SEMA3A: variants seen among roughly 807,000 people sequenced by gnomAD.
The protein encoded by SEMA3A is semaphorin-3A.
In SEMA3A, 29 loss-of-function variants were observed where a neutral mutation model predicts 97.9. The observed-to-expected ratio is 0.30, with a 90% confidence interval of 0.22 to 0.40. SEMA3A has a LOEUF of 0.40. Ranked by LOEUF, SEMA3A falls within the 10% of genes least tolerant of loss-of-function variation. SEMA3A has a pLI of 1.00. For missense variants in SEMA3A, 763 were observed against 951.3 expected (o/e 0.80, Z 2.60); for synonymous variants, 321 against 323.7 (o/e 0.99, Z 0.09).
chr7:84,069,956 G>A (rs2115748026), intron 4 of SEMA3A, among the ~76,000 whole-genome samples: 1 of 152,178 alleles, frequency 6.6e-6, no homozygotes, highest in East Asian at 1.9e-4. Flanking sequence ...ATATCACATA[G>A]ACCACTATCT....
At chr7:84,036,438 G>A (rs1791942506) in intron 6 of SEMA3A, among the ~76,000 whole-genome samples, 1 of 152,116 alleles carries the variant, frequency 6.6e-6, no homozygotes, top group Admixed American at 6.5e-5. Context: ...GCTACCAAAT[G>A]TAGTTCATAC....
intron 1 of SEMA3A, among the ~76,000 whole-genome samples, chr7:84,176,532 A>G (rs961871172): frequency 2.6e-5 from 4 of 152,196 alleles, no homozygotes; most frequent in Non-Finnish European, 5.9e-5. Context: ...ATTAATGCCT[A>G]TGAGTCTATA....
chr7:84,357,593 C>T (rs1802597709), intron 2 of SEMA3A, among the ~76,000 whole-genome samples: 1 of 152,128 alleles, frequency 6.6e-6, no homozygotes, highest in Admixed American at 6.6e-5. Context: ...CCGCAATAAA[C>T]ATATGTGTGC....
chr7:84,395,537 A>G (rs1803706704), intron 1 of SEMA3A, among the ~76,000 whole-genome samples: 1 of 152,078 alleles, frequency 6.6e-6, no homozygotes, highest in Non-Finnish European at 1.5e-5. Flanking sequence ...TCTCACCTTG[A>G]ATTGAAATAA....
intron 3 of SEMA3A, among the ~76,000 whole-genome samples, chr7:84,288,761 T>G (rs1369925321): frequency 3.9e-5 from 6 of 152,090 alleles, no homozygotes; most frequent in Non-Finnish European, 8.8e-5. Flanking sequence ...TGAACTTGGC[T>G]TATATATTGT....
chr7:84,039,121 G>A lies in SEMA3A; in HGVS notation c.667+7203C>T, dbSNP rs377758770. ...TGCATAGAGGTGTATATAGGTAACA[G>A]CAGCAGCAATCACAGTTAACATGAG... On this transcript the variant is annotated intron_variant, in intron 6 of 16. Coordinates refer to ENST00000265362, the MANE Select transcript of SEMA3A (RefSeq NM_006080.3). Among the ~76,000 whole-genome samples, 145 of 152,220 alleles carry A rather than the reference G, an allele frequency of 9.5e-4. 1 individual carries two copies. The highest frequency in any genetic ancestry group is 3.3e-3 in the African/African-American group (138 of 41,552).
intron 14 of SEMA3A, among the ~76,000 whole-genome samples, chr7:83,978,548 C>T (rs1789265142): frequency 6.6e-6 from 1 of 152,104 alleles, no homozygotes; most frequent in African/African-American, 2.4e-5. Context: ...TATTGTCTTG[C>T]TGCAAAATTA....
chr7:83,966,230 ACTT>A (rs993542374), intron 15 of SEMA3A, among the ~76,000 whole-genome samples: 56 of 152,250 alleles, frequency 3.7e-4, no homozygotes, highest in African/African-American at 1.3e-3. Context: ...TTGATCTGCT[ACTT>A]CTTCATAGTG....
chr7:84,187,290 A>C (rs1466387171), intron 1 of SEMA3A, among the ~76,000 whole-genome samples: 1 of 152,176 alleles, frequency 6.6e-6, no homozygotes, highest in Non-Finnish European at 1.5e-5. Context: ...TGAGAATGGG[A>C]TACTTTCACT....
In SEMA3A at chr7:84,005,346, G is replaced by T; in HGVS notation, c.1353C>A (p.Ile451=). 1 of 1,610,830 alleles carries T rather than the reference G, an allele frequency of 6.2e-7. No homozygotes were observed. Among genetic ancestry groups the T allele is most frequent in the South Asian group, 1.1e-5 (1 of 90,930 alleles). ...AEDGQYDVMF[I]GTDVGTVLKV... The stretch of plus-strand genomic sequence containing the variant: ...TGAAATTTAAAAATTTACCTGTTCC[G>T]ATAAACATAACATCATACTGTCCAT... The change falls in exon 11 of 17, where the codon ATC becomes ATA. Residue 451 remains isoleucine, a synonymous_variant. Coordinates refer to ENST00000265362, the MANE Select transcript of SEMA3A (RefSeq NM_006080.3).
At chr7:84,204,679 G>GT (rs1355861054) in intron 3 of SEMA3A, among the ~76,000 whole-genome samples, 2 of 152,148 alleles carry the variant, frequency 1.3e-5, no homozygotes, top group African/African-American at 4.8e-5. Flanking sequence ...AGTATTACAT[G>GT]ATACATTTTA....
At chr7:84,339,792 C>T (rs1472831907) in intron 2 of SEMA3A, among the ~76,000 whole-genome samples, 4 of 152,150 alleles carry the variant, frequency 2.6e-5, no homozygotes, top group African/African-American at 9.6e-5. Context: ...GTTTCATTTT[C>T]TCAATTCCAA....
chr7:83,967,278 C>T lies in SEMA3A; in HGVS notation c.1718-3931G>A, dbSNP rs145697052. Among the ~76,000 whole-genome samples, 21 of 152,202 alleles carry T rather than the reference C, an allele frequency of 1.4e-4. No homozygotes were observed. The East Asian group carries it at 3.1e-3, about 22-fold the overall frequency. ...CCTTTCCATTTCCTGAGTGCTCTAC[C>T]GCAACCACTGGCATAAATTTTGTAC... On this transcript the variant is annotated intron_variant, in intron 15 of 16. Transcript: ENST00000265362.
At chr7:84,205,282 C>T (rs1798462366) in intron 3 of SEMA3A, among the ~76,000 whole-genome samples, 1 of 152,246 alleles carries the variant, frequency 6.6e-6, no homozygotes, top group Admixed American at 6.5e-5. Context: ...AGTTTTGTTT[C>T]ATGCTGTTTT....
chr7:84,046,183 A>G, intron 6 of SEMA3A, 141 bp downstream of exon 6: 1 of 867,014 alleles, frequency 1.2e-6, no homozygotes, highest in Non-Finnish European at 1.7e-6. Flanking sequence ...ACTTTCTCAC[A>G]CCCACCATCA....
In SEMA3A at chr7:84,418,537, C is replaced by A. The variant is rs527954961; in HGVS notation, c.-245-46637G>T. Among the ~76,000 whole-genome samples, 127 of 152,052 alleles carry A rather than the reference C, an allele frequency of 8.4e-4. 1 individual carries two copies. Among genetic ancestry groups the A allele is most frequent in the Middle Eastern group, 3.4e-3 (1 of 294 alleles). On this transcript the variant is annotated intron_variant, in intron 1 of 3. Coordinates refer to the SEMA3A transcript ENST00000424555. ...ACCCACCCTCAATGTGGGTGGGCAC[C>A]CTCCAATTTGCTGCCAGTTTGACTA...
chr7:84,433,305 T>A (rs1562946573), intron 1 of SEMA3A, among the ~76,000 whole-genome samples: 1 of 146,048 alleles, frequency 6.8e-6, no homozygotes, highest in South Asian at 2.3e-4. Context: ...CAACTCTCAC[T>A]TATGAGTGAG....
At chr7:84,214,188 A>T (rs557480847) in intron 3 of SEMA3A, among the ~76,000 whole-genome samples, 7 of 151,830 alleles carry the variant, frequency 4.6e-5, no homozygotes, top group African/African-American at 1.4e-4. Flanking sequence ...GCAATATATT[A>T]AAAAAAATTA....
intron 1 of SEMA3A, among the ~76,000 whole-genome samples, chr7:84,187,462 T>G (rs1477320623): frequency 1.3e-5 from 2 of 152,098 alleles, no homozygotes; most frequent in Non-Finnish European, 2.9e-5. Context: ...TCCAACATAT[T>G]TATTGTATGT....
Sources: gnomAD v4.1 joint callset for allele counts (sites outside exome capture counted in the v4.1 genomes callset) on GRCh38, gnomAD v4.1.1 for gene constraint, MANE v1.5 for transcripts, NCBI Gene and HGNC (gene_info 2026-07-23, HGNC 2026-07-21) for gene names.